Variants in TMEM127 observed in about 807,000 individuals in gnomAD.
TMEM127 encodes transmembrane protein 127.
A neutral mutation model predicts 20.1 loss-of-function variants in TMEM127; 21 were observed. The ratio of observed to expected loss-of-function variants is 1.04; its 90% CI spans 0.74 to 1.50. TMEM127 has a LOEUF of 1.50. Among genes scored for constraint, TMEM127 ranks in the 40% most tolerant of loss-of-function variants. The pLI is 0.00. For synonymous variants in TMEM127, 150 were observed against 144.7 expected (o/e 1.04, Z -0.26); for missense variants, 303 against 317.4 (o/e 0.95, Z 0.34).
In TMEM127 at chr2:96,250,232, T is replaced by C; in HGVS notation, c.*3576A>G. ...CTTAAATGAGCACCCCTCACCTTTC[T>C]AACCTCGGCTCTTACCACCTCCTGG... On this transcript the variant is annotated 3_prime_UTR_variant, in exon 4 of 4. Coordinates refer to ENST00000258439, the MANE Select transcript of TMEM127 (RefSeq NM_017849.4). The C allele has an allele frequency of 4.3e-6, 1 of 233,244 alleles. No individual in the cohort carries two copies. The highest frequency in any genetic ancestry group is 8.5e-6 in the Non-Finnish European group (1 of 117,992). 14.4% of individuals were successfully genotyped at this position (233,244 alleles called of 1,614,324 possible).
At position 96,248,830 on chromosome 2, in the gene TMEM127, T is replaced by C. The variant is rs1684027550; in HGVS notation, c.*4978A>G. Reference sequence around the variant, plus strand: ...CCCTTAAGCCAGACGGACTCACAGCTGTCTCTGGAAAGTTCTTCGTTACCT... The same window carrying C: ...CCCTTAAGCCAGACGGACTCACAGCCGTCTCTGGAAAGTTCTTCGTTACCT... On this transcript the variant is annotated 3_prime_UTR_variant, in exon 4 of 4. Coordinates refer to ENST00000258439, the MANE Select transcript of TMEM127 (RefSeq NM_017849.4). 1 of 232,354 alleles carries C rather than the reference T, an allele frequency of 4.3e-6. No individual in the cohort carries two copies. Among genetic ancestry groups the C allele is most frequent in the Non-Finnish European group, 8.5e-6 (1 of 117,472 alleles). 14.4% of individuals were successfully genotyped at this position (232,354 alleles called of 1,614,324 possible).
chr2:96,250,288 C>T lies in TMEM127; in HGVS notation c.*3520G>A, dbSNP rs1410868474. 2.1e-5 allele frequency: 5 copies of T among 232,980 alleles called. No individual in the cohort carries two copies. The highest frequency in any genetic ancestry group is 4.2e-5 in the Non-Finnish European group (5 of 117,990). The allele number at this position is 232,980 out of a possible 1,614,324, so 14.4% of individuals were successfully genotyped here. Reference sequence around the variant, plus strand: ...AGTGTGCTTTTGCTCTTGCCATTCTCTCAGCAGGAGTGTCCCTATCCCAGT... The same window carrying T: ...AGTGTGCTTTTGCTCTTGCCATTCTTTCAGCAGGAGTGTCCCTATCCCAGT... On this transcript the variant is annotated 3_prime_UTR_variant, in exon 4 of 4. Transcript: ENST00000258439.
At position 96,249,995 on chromosome 2, in the gene TMEM127, C is replaced by T. The variant is rs570319271; in HGVS notation, c.*3813G>A. On this transcript the variant is annotated 3_prime_UTR_variant, in exon 4 of 4. Transcript: ENST00000258439. The stretch of plus-strand genomic sequence containing the variant: ...ACAGGTGGGCAGAGACTGGGGCTCC[C>T]GCATTCCCAACTCCAGCACCTGGCT... 5 of 233,218 alleles carry T rather than the reference C, an allele frequency of 2.1e-5. No homozygotes were observed. Among genetic ancestry groups the T allele is most frequent in the East Asian group, 1.8e-4 (3 of 16,572 alleles). 14.4% of individuals were successfully genotyped at this position (233,218 alleles called of 1,614,324 possible). A position where few individuals can be genotyped will look rare whatever the true frequency, so the allele number is the denominator to read the frequency against.
intron 2 of TMEM127, among the ~76,000 whole-genome samples, chr2:96,258,454 G>A (rs543911873): frequency 1.3e-5 from 2 of 152,316 alleles, no homozygotes; most frequent in East Asian, 1.9e-4. Context: ...CTCAGAGTTC[G>A]CCCAGCAGAG....
chr2:96,261,574 T>A (rs1231781572), intron 2 of TMEM127, among the ~76,000 whole-genome samples: 1 of 152,204 alleles, frequency 6.6e-6, no homozygotes, highest in Non-Finnish European at 1.5e-5. Context: ...GATGAAGTTA[T>A]GACAAAAAGC....
rs121908823 is a variant in TMEM127, at chr2:96,254,974, C to T, written c.268G>A (p.Val90Met). The change falls in exon 3 of 4, where the codon GTG becomes ATG. Residue 90 changes from valine to methionine, a missense_variant. By Grantham distance (21) the Val-to-Met change is conservative (BLOSUM62 1). Coordinates refer to ENST00000258439, the MANE Select transcript of TMEM127 (RefSeq NM_017849.4). ...LKDFCMNPQT[V>M]LLLRVIAAFC... The stretch of plus-strand genomic sequence containing the variant: ...GCGGCGATGACCCGCAGGAGCAGCA[C>T]TGTCTGGGGATTCATGCAGAAATCT... 4.3e-4 allele frequency: 691 copies of T among 1,614,228 alleles called. 2 individuals carry two copies. In the African/African-American group the frequency reaches 8.1e-3, roughly 19 times the overall value.
Position 96,262,925 on chromosome 2 carries a change from C to T in TMEM127, c.244+2213G>A, listed in dbSNP as rs532610470. ...AACTCCTGACCTCAGGTGATCCATC[C>T]GCCTTGGCCTCCCAAAGTACTGGGA... On this transcript the variant is annotated intron_variant, in intron 2 of 3. Coordinates refer to ENST00000258439, the MANE Select transcript of TMEM127 (RefSeq NM_017849.4). Among the ~76,000 whole-genome samples, 49 of 152,324 alleles carry T rather than the reference C, an allele frequency of 3.2e-4. 1 individual carries two copies. The highest frequency in any genetic ancestry group is 9.6e-4 in the African/African-American group (40 of 41,568).
At chr2:96,256,533 C>T (rs1684209617) in intron 2 of TMEM127, among the ~76,000 whole-genome samples, 1 of 142,752 alleles carries the variant, frequency 7.0e-6, no homozygotes, top group South Asian at 2.2e-4. Context: ...ATTGCGCCTT[C>T]ACACTCCAGC....
chr2:96,264,685 A>G (rs1370396322), intron 2 of TMEM127, among the ~76,000 whole-genome samples: 1 of 152,238 alleles, frequency 6.6e-6, no homozygotes, highest in Non-Finnish European at 1.5e-5. Flanking sequence ...CTAAAATGCC[A>G]CAGATTCCCT....
Position 96,253,413 on chromosome 2 carries a change from CCA to C in TMEM127, c.*393_*394del. The stretch of plus-strand genomic sequence containing the variant: ...ACACTGATCCCTGTGAAGTGAGCCT[CCA>C]GGGCACAGTCCCCTTTCCCTTGGGC... On this transcript the variant is annotated 3_prime_UTR_variant, in exon 4 of 4. Transcript: ENST00000258439. The surrounding 1 kb of genome is among the most constrained non-coding windows in gnomAD (Gnocchi z 4.3). The C allele has an allele frequency of 1.7e-5, 5 of 294,320 alleles. No homozygotes were observed. The highest frequency in any genetic ancestry group is 1.5e-4 in the South Asian group (2 of 13,262). The allele number at this position is 294,320 out of a possible 1,614,324, so 18.2% of individuals were successfully genotyped here. A position where few individuals can be genotyped will look rare whatever the true frequency, so the allele number is the denominator to read the frequency against.
In TMEM127 at chr2:96,254,124, C is replaced by T; in HGVS notation, c.410-9G>A. ...GGTGGCACACTGCAGAACTAGGAGA[C>T]AGAGGGACAGCACAGAAGGGGAATT... On this transcript the variant is annotated splice_polypyrimidine_tract_variant and intron_variant, in intron 3 of 3. Coordinates refer to ENST00000258439, the MANE Select transcript of TMEM127 (RefSeq NM_017849.4). 6.2e-7 allele frequency: 1 copy of T among 1,613,390 alleles called. No homozygotes were observed. The highest frequency in any genetic ancestry group is 1.1e-5 in the South Asian group (1 of 91,082).
In TMEM127 at chr2:96,249,781, C is replaced by T. The variant is rs1025997032; in HGVS notation, c.*4027G>A. ...GTTCCATTAGTGTAGTGGCTGAGAG[C>T]GTGGATATTTCAGGCAAGATGCCAG... On this transcript the variant is annotated 3_prime_UTR_variant, in exon 4 of 4. Transcript: ENST00000258439. The T allele has an allele frequency of 3.4e-5, 8 of 233,000 alleles. No homozygotes were observed. The highest frequency in any genetic ancestry group is 1.8e-4 in the South Asian group (1 of 5,532). The allele number at this position is 233,000 out of a possible 1,614,324, so 14.4% of individuals were successfully genotyped here.
rs1231130879 is a variant in TMEM127, at chr2:96,265,311, G to C, written c.71C>G (p.Pro24Arg). The change falls in exon 2 of 4, where the codon CCC (proline) becomes CGC (arginine). Residue 24 changes from proline (P) to arginine (R), a missense_variant. Transcript: ENST00000258439. ...RRRSPGGSALPKQPERSLASA... is the reference protein window; with the variant it reads ...RRRSPGGSALRKQPERSLASA... ...GGCCAGGCTACGCTCCGGCTGCTTG[G>C]GCAGAGCGCTGCCTCCCGGGCTCCT... The C allele has an allele frequency of 1.3e-6, 2 of 1,538,266 alleles. No individual in the cohort carries two copies. The highest frequency in any genetic ancestry group is 1.7e-6 in the Non-Finnish European group (2 of 1,147,912).
At chr2:96,260,871 C>T (rs551128906) in intron 2 of TMEM127, among the ~76,000 whole-genome samples, 15 of 152,326 alleles carry the variant, frequency 9.8e-5, no homozygotes, top group South Asian at 6.2e-4. Flanking sequence ...GACAGGCCTG[C>T]GACACAGGCC....
intron 2 of TMEM127, among the ~76,000 whole-genome samples, chr2:96,256,525 T>C (rs570354807): frequency 2.0e-5 from 3 of 147,520 alleles, no homozygotes; most frequent in African/African-American, 7.6e-5. Context: ...GAGCCGAGAT[T>C]GCGCCTTCAC....
At chr2:96,265,616 G>T in intron 1 of TMEM127, 104 bp from the exon 2 acceptor site, 1 of 424,380 alleles carries the variant, frequency 2.4e-6, no homozygotes, top group Non-Finnish European at 3.9e-6. Context: ...CTCCGGAATG[G>T]GACTGCGGGA....
At chr2:96,262,236 G>T (rs1684325061) in intron 2 of TMEM127, among the ~76,000 whole-genome samples, 1 of 150,412 alleles carries the variant, frequency 6.6e-6, no homozygotes, top group Non-Finnish European at 1.5e-5. Flanking sequence ...TCCAGCCTGG[G>T]TGACAGAGCA....
At chr2:96,263,360 CTTTTTTT>C (rs1157265984) in intron 2 of TMEM127, among the ~76,000 whole-genome samples, 4 of 109,400 alleles carry the variant, frequency 3.7e-5, no homozygotes, top group Non-Finnish European at 5.8e-5. Context: ...CCTGGCCTTT[CTTTTTTT>C]TTTTTTTTTT....
At chr2:96,258,320 G>A (rs1684250686) in intron 2 of TMEM127, among the ~76,000 whole-genome samples, 1 of 152,234 alleles carries the variant, frequency 6.6e-6, no homozygotes, top group South Asian at 2.1e-4. Context: ...GGAAAGTCCA[G>A]GAACCTGGGG....
Sources: gnomAD v4.1 joint callset for allele counts (sites outside exome capture counted in the v4.1 genomes callset) on GRCh38, gnomAD v4.1.1 for gene constraint, Gnocchi (gnomAD v3.1) non-coding constraint, MANE v1.5 for transcripts, NCBI Gene and HGNC (gene_info 2026-07-23, HGNC 2026-07-21) for gene names.